Variants in DNAJC5B observed in about 807,000 individuals in gnomAD.
DNAJC5B encodes dnaJ homolog subfamily C member 5B.
Under a neutral mutation model 24.7 loss-of-function variants are expected in DNAJC5B, and 23 were observed. That is an observed-to-expected ratio of 0.93 (90% CI 0.67 to 1.32). The LOEUF (loss-of-function observed/expected upper bound fraction) is 1.32, where lower values mean the gene tolerates loss of function less well. Ranked by LOEUF, DNAJC5B falls within the 40% of genes most tolerant of loss-of-function variation. The pLI is 0.00. For missense variants in DNAJC5B, 238 were observed against 240.8 expected (o/e 0.99, Z 0.08); for synonymous variants, 101 against 90.1 (o/e 1.12, Z -0.68).
chr8:66,076,800 G>T lies in DNAJC5B; in HGVS notation c.260G>T (p.Gly87Val), dbSNP rs142615334. ...ATATACGACAAGTACGGATCGCTGGGACTCTACGTGGCCGAGCAGTTTGGA... is the reference window on the plus strand; with the variant it reads ...ATATACGACAAGTACGGATCGCTGGTACTCTACGTGGCCGAGCAGTTTGGA... ...RSIYDKYGSL[G>V]LYVAEQFGDE... Residue 87 changes from glycine (G) to valine (V), a missense_variant, in exon 4 of 6, where the codon GGA becomes GTA. Physicochemically the swap from Gly to Val is moderately radical, Grantham distance 109. Coordinates refer to ENST00000276570, the MANE Select transcript of DNAJC5B (RefSeq NM_033105.6). The T allele has an allele frequency of 2.7e-5, 44 of 1,614,182 alleles. 1 individual carries two copies. The highest frequency in any genetic ancestry group is 1.6e-4 in the Middle Eastern group (1 of 6,062).
chr8:66,048,903 T>C (rs1018808690), intron 2 of DNAJC5B, among the ~76,000 whole-genome samples: 3 of 152,216 alleles, frequency 2.0e-5, no homozygotes, highest in African/African-American at 7.2e-5. Flanking sequence ...ATACCTAATA[T>C]GTGCCAAGCA....
chr8:66,056,418 G>C (rs1328299322), intron 3 of DNAJC5B: 1 of 152,130 alleles, frequency 6.6e-6, no homozygotes, highest in African/African-American at 2.4e-5. Flanking sequence ...AATTAGTAGG[G>C]GGATTCCACC....
At chr8:66,023,590 T>C (rs1412627715) in intron 1 of DNAJC5B, among the ~76,000 whole-genome samples, 1 of 152,256 alleles carries the variant, frequency 6.6e-6, no homozygotes, top group East Asian at 1.9e-4. Context: ...GCCTTGTCTT[T>C]TCCTGTTTAG....
At chr8:66,040,287 G>A (rs1450282862) in intron 1 of DNAJC5B, among the ~76,000 whole-genome samples, 1 of 152,138 alleles carries the variant, frequency 6.6e-6, no homozygotes, top group Non-Finnish European at 1.5e-5. Flanking sequence ...CTACTTGGGA[G>A]GCTGAGGCAG....
At chr8:66,030,874 A>T (rs6982577) in intron 1 of DNAJC5B, among the ~76,000 whole-genome samples, 71,419 of 152,026 alleles carry the variant, frequency 0.47, 21,554 homozygotes, top group African/African-American at 0.86. Flanking sequence ...TGACCTCAAG[A>T]GATCTGCCTA....
At chr8:66,099,793 T>C in intron 5 of DNAJC5B, 144 bp from the exon 6 acceptor site, 1 of 637,788 alleles carries the variant, frequency 1.6e-6, no homozygotes, top group East Asian at 2.9e-5. Flanking sequence ...CCTTTCGAAG[T>C]CCTTAAAATG....
rs558427350 is a variant in DNAJC5B, at chr8:66,066,352, C to T, written c.120-10308C>T. 7.9e-4 allele frequency among the ~76,000 whole-genome samples: 121 copies of T among 152,208 alleles called. 5 individuals carry two copies. The South Asian group carries it at 0.025, about 31-fold the overall frequency. On this transcript the variant is annotated intron_variant, in intron 3 of 5. Transcript: ENST00000276570. ...CTTAAAGATCTAAAAATAGACCTAC[C>T]ATTTGATCCAGCAATCTCACTACTG...
At chr8:66,069,367 G>A (rs72650563) in intron 3 of DNAJC5B, among the ~76,000 whole-genome samples, 3 of 151,780 alleles carry the variant, frequency 2.0e-5, no homozygotes, top group Non-Finnish European at 2.9e-5. Flanking sequence ...TAAAAGGAGG[G>A]GCAAAGATGC....
chr8:66,033,000 AACTCTCATTTTGCAGAGGAGGAATCGGAG>A (rs1166651200), intron 1 of DNAJC5B, among the ~76,000 whole-genome samples: 1 of 152,218 alleles, frequency 6.6e-6, no homozygotes. Context: ...CCCACAGCAA[AACTCTCATTTTGCAGAGGAGGAATCGGAG>A]ACTCAGGAGA....
chr8:66,049,206 G>A (rs967387958), intron 2 of DNAJC5B, among the ~76,000 whole-genome samples: 2 of 152,220 alleles, frequency 1.3e-5, no homozygotes, highest in African/African-American at 4.8e-5. Context: ...CTATTGCCTA[G>A]TGACATCATA....
upstream of DNAJC5B, among the ~76,000 whole-genome samples, chr8:66,020,629 TGTGTGTGTG>T: frequency 9.5e-6 from 1 of 105,342 alleles, no homozygotes; most frequent in South Asian, 2.7e-4. Flanking sequence ...TGTGTGTGTG[TGTGTGTGTG>T]TGTGTGTGTG....
At chr8:66,045,072 T>C (rs967812533) in intron 2 of DNAJC5B, among the ~76,000 whole-genome samples, 1 of 152,242 alleles carries the variant, frequency 6.6e-6, no homozygotes, top group Non-Finnish European at 1.5e-5. Flanking sequence ...ATCATAGAAA[T>C]CAATAATATA....
chr8:66,082,352 G>T (rs1056343534), intron 5 of DNAJC5B, among the ~76,000 whole-genome samples: 6 of 151,944 alleles, frequency 3.9e-5, no homozygotes, highest in African/African-American at 1.4e-4. Flanking sequence ...CCCCAATCCA[G>T]TGTTTCACAC....
At chr8:66,085,157 G>C (rs1346514443) in intron 5 of DNAJC5B, among the ~76,000 whole-genome samples, 2 of 152,144 alleles carry the variant, frequency 1.3e-5, no homozygotes, top group African/African-American at 4.8e-5. Context: ...CAATTGGCCA[G>C]GGCCGGGCAC....
chr8:66,050,328 G>A (rs778889316), intron 2 of DNAJC5B, among the ~76,000 whole-genome samples: 1 of 152,154 alleles, frequency 6.6e-6, no homozygotes, highest in Non-Finnish European at 1.5e-5. Flanking sequence ...TGTACATGGA[G>A]AGGAATTTTA....
rs753036917 is a variant in DNAJC5B, at chr8:66,051,515, A to G, written c.-17-16A>G. The G allele has an allele frequency of 2.6e-5, 40 of 1,513,902 alleles. No homozygotes were observed. In the East Asian group the frequency reaches 3.6e-4, roughly 14 times the overall value. 93.8% of individuals were successfully genotyped at this position (1,513,902 alleles called of 1,614,324 possible). A position where few individuals can be genotyped will look rare whatever the true frequency, so the allele number is the denominator to read the frequency against. ...AGTAGTGTGCATAACCTTCATGGCTATTTTCTCCCCTTTAGTTTTGCAGCC... is the reference window on the plus strand; with the variant it reads ...AGTAGTGTGCATAACCTTCATGGCTGTTTTCTCCCCTTTAGTTTTGCAGCC... On this transcript the variant is annotated splice_polypyrimidine_tract_variant and intron_variant, in intron 2 of 5. Transcript: ENST00000276570.
chr8:66,057,587 C>T (rs888906478), intron 3 of DNAJC5B: 5 of 152,152 alleles, frequency 3.3e-5, no homozygotes, highest in African/African-American at 9.7e-5. Flanking sequence ...GCTGAGAGAA[C>T]TCCGACAGGA....
chr8:66,031,945 A>G (rs1806369390), intron 1 of DNAJC5B, among the ~76,000 whole-genome samples: 1 of 152,234 alleles, frequency 6.6e-6, no homozygotes, highest in Admixed American at 6.5e-5. Context: ...CATTGCACCT[A>G]CTATGTCATC....
intron 3 of DNAJC5B, among the ~76,000 whole-genome samples, chr8:66,051,879 G>A (rs1185736351): frequency 6.6e-6 from 1 of 152,132 alleles, no homozygotes; most frequent in Non-Finnish European, 1.5e-5. Flanking sequence ...CTTAGGAAAG[G>A]GCAGCCTGTG....
Sources: gnomAD v4.1 joint callset for allele counts (sites outside exome capture counted in the v4.1 genomes callset) on GRCh38, gnomAD v4.1.1 for gene constraint, MANE v1.5 for transcripts, NCBI Gene and HGNC (gene_info 2026-07-23, HGNC 2026-07-21) for gene names.